The following LRFN5 variants were observed in gnomAD, a reference collection of about 807,000 sequenced individuals.
The protein encoded by LRFN5 is leucine rich repeat and fibronectin type III domain containing 5.
LRFN5 carries 24 observed loss-of-function variants against 45.6 expected under a neutral mutation model. That is an observed-to-expected ratio of 0.53 (90% CI 0.38 to 0.74). The LOEUF (loss-of-function observed/expected upper bound fraction) is 0.74. Ranked by LOEUF, LRFN5 falls within the 30% of genes least tolerant of loss-of-function variation. LRFN5 has a pLI of 0.00. For synonymous variants in LRFN5, 340 were observed against 313.8 expected (o/e 1.08, Z -0.88); for missense variants, 776 against 861.5 (o/e 0.90, Z 1.24).
intron 2 of LRFN5, among the ~76,000 whole-genome samples, chr14:41,784,312 C>A (rs528186705): frequency 6.6e-6 from 1 of 152,116 alleles, no homozygotes; most frequent in South Asian, 2.1e-4. Context: ...AAATGCTGAT[C>A]TCTAATAGTG....
At chr14:41,719,066 T>A (rs182259602) in intron 1 of LRFN5, among the ~76,000 whole-genome samples, 18 of 152,254 alleles carry the variant, frequency 1.2e-4, no homozygotes, top group Admixed American at 2.6e-4. Flanking sequence ...GGGTAATTCA[T>A]CACTTTTGTG....
intron 1 of LRFN5, among the ~76,000 whole-genome samples, chr14:41,622,368 C>A (rs1198297328): frequency 1.3e-5 from 2 of 151,980 alleles, no homozygotes; most frequent in Non-Finnish European, 2.9e-5. Context: ...TAGAATTTTA[C>A]AAATAAAATT....
chr14:41,757,146 G>A (rs537371617), intron 1 of LRFN5, among the ~76,000 whole-genome samples: 1 of 152,318 alleles, frequency 6.6e-6, no homozygotes, highest in Admixed American at 6.5e-5. Context: ...ACCCGGCCGT[G>A]TGAGGTGTCA....
At chr14:41,781,426 A>C (rs1414636540) in intron 2 of LRFN5, among the ~76,000 whole-genome samples, 1 of 143,372 alleles carries the variant, frequency 7.0e-6, no homozygotes. Flanking sequence ...TGAGCATGGG[A>C]GGTTGAGACT....
chr14:41,766,967 C>T lies in LRFN5; in HGVS notation c.-83C>T, dbSNP rs1885907421. ...GAGATGCTTTCACTCTGTCCGTCTT[C>T]TGCAGCAGCCAGGCAGAGTGCCGAC... is the stretch of plus-strand genomic sequence containing the variant. On this transcript the variant is annotated 5_prime_UTR_variant, in exon 2 of 6. Transcript: ENST00000298119. The T allele has an allele frequency of 6.6e-6, 1 of 152,640 alleles. No individual in the cohort carries two copies. The highest frequency in any genetic ancestry group is 2.1e-4 in the South Asian group (1 of 4,832). The allele number at this position is 152,640 out of a possible 1,614,324, so 9.5% of individuals were successfully genotyped here. A position where few individuals can be genotyped will look rare whatever the true frequency, so the allele number is the denominator to read the frequency against.
At chr14:41,797,515 A>G (rs17112270) in intron 2 of LRFN5, among the ~76,000 whole-genome samples, 9,211 of 151,660 alleles carry the variant, frequency 0.061, 809 homozygotes, top group East Asian at 0.44. Flanking sequence ...TTATTGGAAA[A>G]GTGCTCTGTC....
chr14:41,638,070 C>T (rs1257423994), intron 1 of LRFN5, among the ~76,000 whole-genome samples: 1 of 152,114 alleles, frequency 6.6e-6, no homozygotes, highest in Non-Finnish European at 1.5e-5. Context: ...AACCACAAGA[C>T]AGCTGTGATA....
chr14:41,876,793 T>G (rs2139129546), intron 2 of LRFN5, among the ~76,000 whole-genome samples: 1 of 152,198 alleles, frequency 6.6e-6, no homozygotes, highest in East Asian at 1.9e-4. Context: ...GATGCTCCTA[T>G]GCCTTGTGTT....
rs141649332 is a variant in LRFN5 at position 41,886,641 on chromosome 14, T to C, written c.16T>C (p.Phe6Leu). The part of the protein sequence containing the change: MEKIL[F>L]YLFLIGIAVK... ...CTGATCTACAATGGAAAAAATTCTT[T>C]TTTATCTGTTTCTCATTGGCATAGC... Residue 6 changes from phenylalanine to leucine, a missense_variant, in exon 3 of 6, where the codon TTT becomes CTT. This residue lies in a region of LRFN5 where 311 missense variants were observed against 405.1 expected (regional missense o/e 0.77). Coordinates refer to ENST00000298119, the MANE Select transcript of LRFN5 (RefSeq NM_152447.5). The C allele has an allele frequency of 2.1e-4, 339 of 1,580,012 alleles. No individual in the cohort carries two copies. Among genetic ancestry groups the C allele is most frequent in the Middle Eastern group, 1.9e-3 (11 of 5,850 alleles).
intron 2 of LRFN5, among the ~76,000 whole-genome samples, chr14:41,865,186 C>T (rs1406954055): frequency 6.6e-6 from 1 of 152,052 alleles, no homozygotes; most frequent in Non-Finnish European, 1.5e-5. Flanking sequence ...TTTAAGAACA[C>T]TTTTGTCATC....
chr14:41,781,375 A>G (rs759639071), intron 2 of LRFN5, among the ~76,000 whole-genome samples: 1 of 151,778 alleles, frequency 6.6e-6, no homozygotes, highest in Non-Finnish European at 1.5e-5. Context: ...GACAGTGCCT[A>G]TATACCCAGC....
chr14:41,612,853 T>C (rs904037972), intron 1 of LRFN5, among the ~76,000 whole-genome samples: 4 of 152,110 alleles, frequency 2.6e-5, no homozygotes, highest in Non-Finnish European at 5.9e-5. Context: ...TCCAGTTTCA[T>C]ATAACAGAAG....
At chr14:41,843,238 C>G (rs1888928297) in intron 2 of LRFN5, among the ~76,000 whole-genome samples, 1 of 151,742 alleles carries the variant, frequency 6.6e-6, no homozygotes, top group South Asian at 2.1e-4. Context: ...GTACTGTATG[C>G]ATACCATCAT....
intron 1 of LRFN5, among the ~76,000 whole-genome samples, chr14:41,702,551 C>A (rs1165930529): frequency 6.6e-6 from 1 of 152,132 alleles, no homozygotes; most frequent in Non-Finnish European, 1.5e-5. Flanking sequence ...CACTCTCAAA[C>A]TCCTGGGTTT....
chr14:41,838,261 A>G (rs530026983), intron 2 of LRFN5, among the ~76,000 whole-genome samples: 1 of 152,274 alleles, frequency 6.6e-6, no homozygotes, highest in South Asian at 2.1e-4. Context: ...AACTATTATG[A>G]GATTTTAATG....
At chr14:41,866,415 A>T (rs1889842484) in intron 2 of LRFN5, among the ~76,000 whole-genome samples, 1 of 152,128 alleles carries the variant, frequency 6.6e-6, no homozygotes, top group Non-Finnish European at 1.5e-5. Flanking sequence ...AGCTGCAGAT[A>T]CACTGCCACT....
At chr14:41,677,131 GA>G (rs869165871) in intron 1 of LRFN5, among the ~76,000 whole-genome samples, 1 of 151,878 alleles carries the variant, frequency 6.6e-6, no homozygotes, top group African/African-American at 2.4e-5. Context: ...AGAAAGGGGG[GA>G]AAAACAAGGG....
At chr14:41,843,190 A>G (rs764234376) in intron 2 of LRFN5, among the ~76,000 whole-genome samples, 1 of 149,608 alleles carries the variant, frequency 6.7e-6, no homozygotes, top group Non-Finnish European at 1.5e-5. Flanking sequence ...GGCTCAAGTG[A>G]TCCTCCCATC....
chr14:41,811,236 T>A (rs862540), intron 2 of LRFN5, among the ~76,000 whole-genome samples: 116,997 of 151,992 alleles, frequency 0.77, 45,534 homozygotes, highest in East Asian at 0.93. Context: ...TTTCTCATCC[T>A]CTAAGATGAC....
Sources: gnomAD v4.1 joint callset for allele counts (sites outside exome capture counted in the v4.1 genomes callset) on GRCh38, gnomAD v4.1.1 for gene constraint, gnomAD v4.1.1 regional missense constraint, MANE v1.5 for transcripts, NCBI Gene and HGNC (gene_info 2026-07-23, HGNC 2026-07-21) for gene names.